The following SPATA31E1 variants were observed in gnomAD, a reference collection of about 807,000 sequenced individuals.
The protein encoded by SPATA31E1 is SPATA31 subfamily E member 1.
SPATA31E1 carries 7 observed loss-of-function variants against 12.9 expected under a neutral mutation model. The ratio of observed to expected loss-of-function variants is 0.54; its 90% CI spans 0.31 to 1.02. The LOEUF (loss-of-function observed/expected upper bound fraction) is 1.02, where lower values mean the gene tolerates loss of function less well. Among genes scored for constraint, SPATA31E1 ranks in the 50% least tolerant of loss-of-function variants. The pLI is 0.05. For missense variants in SPATA31E1, 1,961 were observed against 1,799.8 expected (o/e 1.09, Z -1.62); for synonymous variants, 771 against 719.0 (o/e 1.07, Z -1.16).
Position 87,885,915 on chromosome 9 carries a change from T to C in SPATA31E1, c.1428T>C (p.Thr476=). 3 of 1,613,984 alleles carry C rather than the reference T, an allele frequency of 1.9e-6. No individual in the cohort carries two copies. Among genetic ancestry groups the C allele is most frequent in the Non-Finnish European group, 2.5e-6 (3 of 1,180,018 alleles). ...AHSVPLDKAS[T]SLPGEPEVEA... is the part of the protein sequence containing the mutation. ...CTGTACCACTGGATAAAGCCTCCAC[T>C]TCTCTTCCAGGTGAACCTGAGGTTG... The change falls in exon 4 of 4, where the codon ACT becomes ACC. Residue 476 remains threonine (T), a synonymous_variant. Coordinates refer to ENST00000325643, the MANE Select transcript of SPATA31E1 (RefSeq NM_178828.5).
chr9:87,887,195 C>G lies in SPATA31E1; in HGVS notation c.2708C>G (p.Pro903Arg), dbSNP rs1330500376. 1.9e-6 allele frequency: 3 copies of G among 1,613,978 alleles called. No homozygotes were observed. In the African/African-American group the frequency reaches 4.0e-5, roughly 22 times the overall value. The change falls in exon 4 of 4, where the codon CCA becomes CGA. Residue 903 changes from proline (P) to arginine (R), a missense_variant. By Grantham distance (103) the Pro-to-Arg change is moderately radical (BLOSUM62 -2). Transcript: ENST00000325643. ...IFLGKRPQNGPGDNRTTSKSV... is the reference protein window; with the variant it reads ...IFLGKRPQNGRGDNRTTSKSV... ...CTGGGAAAACGTCCTCAGAATGGTC[C>G]AGGAGACAACAGAACAACAAGCAAG...
chr9:87,885,502 T>C lies in SPATA31E1; in HGVS notation c.1015T>C (p.Ser339Pro). 2.5e-6 allele frequency: 4 copies of C among 1,614,116 alleles called. No individual in the cohort carries two copies. The highest frequency in any genetic ancestry group is 2.2e-5 in the South Asian group (2 of 91,076). ...TCTTCCCGACCACACCTCAGAGGCT[T>C]CCTTCTGGGGAGACCCCACACCCAA... is the stretch of plus-strand genomic sequence containing the variant. ...RHLPDHTSEA[S>P]FWGDPTPKHM... is the part of the protein sequence containing the mutation. Residue 339 changes from serine to proline, a missense_variant, in exon 4 of 4, where the codon TCC (serine) becomes CCC (proline). Transcript: ENST00000325643.
At position 87,887,220 on chromosome 9, in the gene SPATA31E1, G is replaced by A. The variant is rs776460881; in HGVS notation, c.2733G>A (p.Lys911=). Residue 911 remains lysine, a synonymous_variant, in exon 4 of 4, where the codon AAG becomes AAA. Transcript: ENST00000325643. The part of the protein sequence containing the change: ...NGPGDNRTTS[K]SVPTVSGPLA... ...CAGGAGACAACAGAACAACAAGCAAGTCAGTCCCGACCGTGAGTGGCCCTC... is the reference window on the plus strand; with the variant it reads ...CAGGAGACAACAGAACAACAAGCAAATCAGTCCCGACCGTGAGTGGCCCTC... 1 of 1,614,084 alleles carries A rather than the reference G, an allele frequency of 6.2e-7. No homozygotes were observed. Among genetic ancestry groups the A allele is most frequent in the South Asian group, 1.1e-5 (1 of 91,082 alleles).
Position 87,888,841 on chromosome 9 carries a change from T to C in SPATA31E1, c.*16T>C, listed in dbSNP as rs777121545. On this transcript the variant is annotated 3_prime_UTR_variant, in exon 4 of 4. Transcript: ENST00000325643. ...TGCCTCCTGAACTAGACCAGTCTTC[T>C]TGCATGTCTCCTGGGGGAGACAGGG... is the stretch of plus-strand genomic sequence containing the variant. 3.2e-6 allele frequency: 5 copies of C among 1,575,734 alleles called. No individual in the cohort carries two copies. The highest frequency in any genetic ancestry group is 4.3e-6 in the Non-Finnish European group (5 of 1,162,790).
Position 87,885,110 on chromosome 9 carries a change from C to T in SPATA31E1, c.623C>T (p.Thr208Ile), listed in dbSNP as rs28510722. The change falls in exon 4 of 4, where the codon ACC becomes ATC. Residue 208 changes from threonine to isoleucine, a missense_variant. Physicochemically the swap from Thr to Ile is moderately conservative, Grantham distance 89. Transcript: ENST00000325643. ...TCCACCCTGTCACCAGGCCCGATGACCTTCTCAGAGCCTTTTGGACCACAC... is the reference window on the plus strand; with the variant it reads ...TCCACCCTGTCACCAGGCCCGATGATCTTCTCAGAGCCTTTTGGACCACAC... Reference protein sequence around the residue: ...LASTLSPGPMTFSEPFGPHST... With the variant: ...LASTLSPGPMIFSEPFGPHST... The T allele has an allele frequency of 1.9e-6, 3 of 1,614,068 alleles. No individual in the cohort carries two copies. In the African/African-American group the frequency reaches 4.0e-5, roughly 22 times the overall value.
rs923790756 is a variant in SPATA31E1 at position 87,887,252 on chromosome 9, C to T, written c.2765C>T (p.Ala922Val). The T allele has an allele frequency of 1.2e-6, 2 of 1,613,864 alleles. No individual in the cohort carries two copies. The highest frequency in any genetic ancestry group is 2.7e-5 in the African/African-American group (2 of 74,916). The change falls in exon 4 of 4, where the codon GCC (alanine) becomes GTC (valine). Residue 922 changes from alanine (A) to valine (V), a missense_variant. Coordinates refer to ENST00000325643, the MANE Select transcript of SPATA31E1 (RefSeq NM_178828.5). ...CCGACCGTGAGTGGCCCTCTCGCTG[C>T]CCCACCGCCTGAGCAGGAGGGAGTC... ...SVPTVSGPLA[A>V]PPPEQEGVQR...
chr9:87,886,808 G>T lies in SPATA31E1; in HGVS notation c.2321G>T (p.Gly774Val), dbSNP rs1416291345. 1.2e-6 allele frequency: 2 copies of T among 1,614,098 alleles called. No individual in the cohort carries two copies. The highest frequency in any genetic ancestry group is 2.2e-5 in the South Asian group (2 of 91,080). ...CAAATCCATCTGGCCAGGAAGGTAGGGGAGATCAAAGAGGGCTGGATCCCC... is the reference window on the plus strand; with the variant it reads ...CAAATCCATCTGGCCAGGAAGGTAGTGGAGATCAAAGAGGGCTGGATCCCC... ...KLQIHLARKV[G>V]EIKEGWIPMP... The change falls in exon 4 of 4, where the codon GGG becomes GTG. Residue 774 changes from glycine (G) to valine (V), a missense_variant. Gly to Val is a moderately radical substitution (Grantham distance 109, BLOSUM62 -3). Transcript: ENST00000325643.
At position 87,882,958 on chromosome 9, in the gene SPATA31E1, C is replaced by A. The variant is rs1828193536; in HGVS notation, c.67C>A (p.Pro23Thr). 2 of 1,612,454 alleles carry A rather than the reference C, an allele frequency of 1.2e-6. No individual in the cohort carries two copies. The highest frequency in any genetic ancestry group is 1.7e-6 in the Non-Finnish European group (2 of 1,179,782). ...CAGGGTTGAGAGTGGGCAGAGGATT[C>A]CACCCCCAGCTCCCAGACCATCTGT... is the stretch of plus-strand genomic sequence containing the variant. The part of the protein sequence containing the change: ...AGRVESGQRI[P>T]PPAPRPSVEC... Residue 23 changes from proline (P) to threonine (T), a missense_variant, in exon 1 of 4, where the codon CCA (proline) becomes ACA (threonine). Pro to Thr is a conservative substitution (Grantham distance 38). Coordinates refer to ENST00000325643, the MANE Select transcript of SPATA31E1 (RefSeq NM_178828.5).
rs766006694 is a variant in SPATA31E1, at chr9:87,888,066, G to C, written c.3579G>C (p.Lys1193Asn). Residue 1193 changes from lysine to asparagine, a missense_variant, in exon 4 of 4, where the codon AAG (lysine) becomes AAC (asparagine). Physicochemically the swap from Lys to Asn is moderately conservative, Grantham distance 94. Coordinates refer to ENST00000325643, the MANE Select transcript of SPATA31E1 (RefSeq NM_178828.5). ...GCCCAAAAGCAAAGGCCCCACAGAA[G>C]AGTCAGAAGACGCTGGGCTGTGCGG... Reference protein sequence around the residue: ...PGSPKAKAPQKSQKTLGCADK... With the variant: ...PGSPKAKAPQNSQKTLGCADK... The C allele has an allele frequency of 6.2e-6, 10 of 1,604,458 alleles. No individual in the cohort carries two copies. The highest frequency in any genetic ancestry group is 8.5e-6 in the Non-Finnish European group (10 of 1,175,530).
chr9:87,886,925 G>A lies in SPATA31E1; in HGVS notation c.2438G>A (p.Gly813Asp). 2 of 1,614,106 alleles carry A rather than the reference G, an allele frequency of 1.2e-6. No individual in the cohort carries two copies. Among genetic ancestry groups the A allele is most frequent in the Non-Finnish European group, 1.7e-6 (2 of 1,180,024 alleles). ...RKPGKLASWR[G>D]GKAHVNTSQE... is the part of the protein sequence containing the mutation. Reference sequence around the variant, plus strand: ...CCTGGGAAGCTGGCATCCTGGAGGGGTGGGAAAGCCCACGTGAACACCTCC... The same window carrying A: ...CCTGGGAAGCTGGCATCCTGGAGGGATGGGAAAGCCCACGTGAACACCTCC... The change falls in exon 4 of 4, where the codon GGT (glycine) becomes GAT (aspartate). Residue 813 changes from glycine (G) to aspartate (D), a missense_variant. Physicochemically the swap from Gly to Asp is moderately conservative, Grantham distance 94 (BLOSUM62 -1). Transcript: ENST00000325643.
Sources: allele counts gnomAD v4.1 joint callset, GRCh38; gene constraint gnomAD v4.1.1; transcripts MANE v1.5; gene names NCBI Gene and HGNC (gene_info 2026-07-23, HGNC 2026-07-21).